The following PHACTR1 variants were observed in gnomAD, a reference collection of about 807,000 sequenced individuals.
PHACTR1 encodes the protein phosphatase and actin regulator 1.
In PHACTR1, 16 loss-of-function variants were observed where a neutral mutation model predicts 69.2. That is an observed-to-expected ratio of 0.23 (90% CI 0.16 to 0.35). The LOEUF is 0.35. PHACTR1 is among the 10% of genes least tolerant of loss of function. PHACTR1 has a pLI of 1.00. For synonymous variants in PHACTR1, 312 were observed against 284.5 expected, an observed-to-expected ratio of 1.10 and a Z score of -0.97; for missense variants, 510 against 734.7, an observed-to-expected ratio of 0.69 and a Z score of 3.54.
chr6:13,102,505 A>G (rs1418413218), intron 5 of PHACTR1, among the ~76,000 whole-genome samples: 1 of 152,252 alleles, frequency 6.6e-6, no homozygotes, highest in Non-Finnish European at 1.5e-5. Context: ...GAACTTCAGC[A>G]TTTAACATCA....
chr6:12,884,680 C>A (rs116031767), intron 4 of PHACTR1, among the ~76,000 whole-genome samples: 1 of 152,142 alleles, frequency 6.6e-6, no homozygotes, highest in East Asian at 1.9e-4. Context: ...GGGTTACAGG[C>A]GTAAGCCACC....
intron 4 of PHACTR1, among the ~76,000 whole-genome samples, chr6:13,010,419 C>T (rs1180898332): frequency 1.3e-5 from 2 of 152,222 alleles, no homozygotes; most frequent in Admixed American, 1.3e-4. Flanking sequence ...TGAGCCATCA[C>T]ACCCAGCCCT....
intron 4 of PHACTR1, among the ~76,000 whole-genome samples, chr6:12,855,664 G>A (rs1180832407): frequency 1.3e-5 from 2 of 152,194 alleles, no homozygotes; most frequent in African/African-American, 4.8e-5. Flanking sequence ...AGGAAGGGAG[G>A]TAGTGGCTGA....
intron 4 of PHACTR1, among the ~76,000 whole-genome samples, chr6:12,927,747 G>C (rs1788424428): frequency 1.3e-5 from 2 of 152,210 alleles, no homozygotes; most frequent in South Asian, 4.1e-4. Flanking sequence ...AGAATCTAAA[G>C]TGTTTTTATA....
rs1583925024 is a variant in PHACTR1, at chr6:13,206,232, G to C, written c.986+96G>C. 5 of 1,253,470 alleles carry C rather than the reference G, an allele frequency of 4.0e-6. No homozygotes were observed. The East Asian group carries it at 1.3e-4, about 33-fold the overall frequency. 77.6% of individuals were successfully genotyped at this position (1,253,470 alleles called of 1,614,324 possible). A position where few individuals can be genotyped will look rare whatever the true frequency, so the allele number is the denominator to read the frequency against. On this transcript the variant is annotated intron_variant, in intron 8 of 14. Coordinates refer to ENST00000332995, the MANE Select transcript of PHACTR1 (RefSeq NM_030948.6). The stretch of plus-strand genomic sequence containing the variant: ...ACCATGACTTAGGAATGTGAACAAG[G>C]GGTCATCCCCACTGGGGGAAAATGT...
At chr6:13,213,999 A>G (rs954621716) in intron 8 of PHACTR1, 2 of 152,252 alleles carry the variant, frequency 1.3e-5, no homozygotes, top group African/African-American at 4.8e-5. Context: ...AAAATATCTT[A>G]CTTTTATGAT....
chr6:12,871,343 C>T (rs542007019), intron 4 of PHACTR1, among the ~76,000 whole-genome samples: 42 of 152,280 alleles, frequency 2.8e-4, no homozygotes, highest in Middle Eastern at 3.4e-3. Context: ...TCCAAATGTT[C>T]TAATAATTTT....
At chr6:13,167,539 T>A (rs1759986600) in intron 6 of PHACTR1, among the ~76,000 whole-genome samples, 1 of 152,190 alleles carries the variant, frequency 6.6e-6, no homozygotes. Context: ...GCAGCTCACC[T>A]AGTAGTTTCC....
At chr6:12,994,968 A>C (rs1322262040) in intron 4 of PHACTR1, among the ~76,000 whole-genome samples, 1 of 152,126 alleles carries the variant, frequency 6.6e-6, no homozygotes, top group Non-Finnish European at 1.5e-5. Flanking sequence ...TCACTGAACA[A>C]AGGAATCGCC....
rs1298351619 is a variant in PHACTR1, at chr6:13,283,275, T to TC, written c.1510-142dup. 7.0e-6 allele frequency: 2 copies of TC among 287,012 alleles called. No homozygotes were observed. The highest frequency in any genetic ancestry group is 5.8e-5 in the African/African-American group (2 of 34,378). 17.8% of individuals were successfully genotyped at this position (287,012 alleles called of 1,614,324 possible). ...GACTTGGGTCCCCCCACCCTGGCCC[T>TC]CCCCCTGCCCCTGCCCCTCACTCAC... On this transcript the variant is annotated intron_variant, in intron 12 of 14. Transcript: ENST00000332995. This position sits in a 1 kb window ranked among gnomAD's most constrained non-coding sequence, Gnocchi z 4.7.
chr6:12,979,429 G>A (rs1221936745), intron 4 of PHACTR1, among the ~76,000 whole-genome samples: 1 of 152,190 alleles, frequency 6.6e-6, no homozygotes, highest in Admixed American at 6.5e-5. Flanking sequence ...ATGTAGCTAT[G>A]AGAGAATAGT....
At chr6:13,229,059 A>T (rs895115417) in intron 9 of PHACTR1, among the ~76,000 whole-genome samples, 1 of 152,214 alleles carries the variant, frequency 6.6e-6, no homozygotes, top group Non-Finnish European at 1.5e-5. Flanking sequence ...AGAACCACAC[A>T]GGGCAGCCAG....
At chr6:12,823,899 T>A (rs1416102470) in intron 4 of PHACTR1, among the ~76,000 whole-genome samples, 1 of 152,228 alleles carries the variant, frequency 6.6e-6, no homozygotes, top group Non-Finnish European at 1.5e-5. Context: ...ATTGATTTCA[T>A]ACATTCCTGA....
chr6:13,031,306 T>C (rs1203447295), intron 4 of PHACTR1, among the ~76,000 whole-genome samples: 1 of 152,214 alleles, frequency 6.6e-6, no homozygotes, highest in East Asian at 1.9e-4. Context: ...GCAGTGTTTG[T>C]CTATTTTAGG....
intron 10 of PHACTR1, among the ~76,000 whole-genome samples, chr6:13,248,397 G>T (rs1175553734): frequency 6.6e-6 from 1 of 152,198 alleles, no homozygotes; most frequent in African/African-American, 2.4e-5. Context: ...TAGTTAAAAT[G>T]TATCATAAAT....
At chr6:13,124,783 G>A (rs900524491) in intron 5 of PHACTR1, among the ~76,000 whole-genome samples, 1 of 152,194 alleles carries the variant, frequency 6.6e-6, no homozygotes, top group Non-Finnish European at 1.5e-5. Context: ...TTCTCACTGT[G>A]TGCTCACGTG....
chr6:13,009,897 G>A (rs573875374), intron 4 of PHACTR1, among the ~76,000 whole-genome samples: 4 of 123,524 alleles, frequency 3.2e-5, no homozygotes, highest in African/African-American at 9.3e-5. Context: ...ACCACCCTCT[G>A]CCCCCTACTG....
chr6:13,165,745 G>A (rs1234369735), intron 6 of PHACTR1, among the ~76,000 whole-genome samples: 1 of 151,822 alleles, frequency 6.6e-6, no homozygotes, highest in Non-Finnish European at 1.5e-5. Context: ...TCAAACAGGG[G>A]CATGGGCACC....
Position 13,255,280 on chromosome 6 carries a change from A to C in PHACTR1, c.1392-17580A>C, listed in dbSNP as rs1775024159. Among the ~76,000 whole-genome samples, 4 of 152,190 alleles carry C rather than the reference A, an allele frequency of 2.6e-5. No individual in the cohort carries two copies. The South Asian group carries it at 8.3e-4, about 32-fold the overall frequency. ...AACACCAAGGGGAAGGTGCTAACCC[A>C]TTCATGAGAAACTGCTCCCATCATT... is the stretch of plus-strand genomic sequence containing the variant. On this transcript the variant is annotated intron_variant, in intron 10 of 14. Transcript: ENST00000332995.
Sources: allele counts gnomAD v4.1 joint callset (sites outside exome capture counted in the v4.1 genomes callset), GRCh38; gene constraint gnomAD v4.1.1; non-coding constraint Gnocchi (gnomAD v3.1); transcripts MANE v1.5; gene names NCBI Gene and HGNC (gene_info 2026-07-23, HGNC 2026-07-21).